PBX3: variants seen among roughly 807,000 people sequenced by gnomAD.
PBX3 encodes PBX homeobox 3.
In PBX3, 14 loss-of-function variants were observed where a neutral mutation model predicts 48.5. The observed-to-expected ratio is 0.29, with a 90% CI of 0.19 to 0.45. The LOEUF is 0.45. PBX3 is among the 20% of genes least tolerant of loss of function. The pLI is 1.00. For synonymous variants in PBX3, 210 were observed against 200.3 expected, an observed-to-expected ratio of 1.05 and a Z score of -0.41; for missense variants, 386 against 546.7, an observed-to-expected ratio of 0.71 and a Z score of 2.93.
At chr9:125,928,614 C>T (rs1841641661) in intron 3 of PBX3, among the ~76,000 whole-genome samples, 2 of 151,894 alleles carry the variant, frequency 1.3e-5, no homozygotes, top group African/African-American at 2.4e-5. Context: ...TACAGGCACC[C>T]GCCACCACGG....
At chr9:125,778,510 G>C (rs1485449292) in intron 2 of PBX3, among the ~76,000 whole-genome samples, 1 of 151,676 alleles carries the variant, frequency 6.6e-6, no homozygotes, top group Non-Finnish European at 1.5e-5. Context: ...ACCCACCTCA[G>C]CCTCCCAAAA....
intron 2 of PBX3, among the ~76,000 whole-genome samples, chr9:125,830,128 A>G (rs1214814846): frequency 1.3e-5 from 2 of 152,200 alleles, no homozygotes; most frequent in Non-Finnish European, 2.9e-5. Context: ...ATAATTTTTT[A>G]TTTACAAAAG....
chr9:125,916,765 TAGTTTAATGCTG>T (rs1841344298), intron 3 of PBX3, among the ~76,000 whole-genome samples: 1 of 152,240 alleles, frequency 6.6e-6, no homozygotes, highest in African/African-American at 2.4e-5. Context: ...TTTTAGTTGT[TAGTTTAATGCTG>T]AAAAGCTGCC....
chr9:125,752,944 T>C (rs1444455853), intron 2 of PBX3, among the ~76,000 whole-genome samples: 1 of 152,196 alleles, frequency 6.6e-6, no homozygotes, highest in Non-Finnish European at 1.5e-5. Flanking sequence ...AATGAACTTA[T>C]TTTCAAGATT....
intron 3 of PBX3, among the ~76,000 whole-genome samples, chr9:125,926,670 A>G (rs2132502573): frequency 6.6e-6 from 1 of 151,824 alleles, no homozygotes; most frequent in African/African-American, 2.4e-5. Context: ...TACAAAAAAA[A>G]TTACCCGGGC....
chr9:125,806,878 GAC>G (rs1564665372), intron 2 of PBX3, among the ~76,000 whole-genome samples: 2 of 152,220 alleles, frequency 1.3e-5, no homozygotes, highest in African/African-American at 4.8e-5. Context: ...CCAAATCTAA[GAC>G]CACCCATGGA....
chr9:125,748,362 G>T, intron 1 of PBX3, 188 bp from the exon 2 acceptor site: 1 of 1,319,596 alleles, frequency 7.6e-7, no homozygotes, highest in African/African-American at 1.5e-5. Context: ...TCCGGCTGCA[G>T]CTTTCGCCGC....
chr9:125,878,179 C>T (rs932868488), intron 2 of PBX3, among the ~76,000 whole-genome samples: 5 of 152,178 alleles, frequency 3.3e-5, no homozygotes, highest in African/African-American at 9.7e-5. Context: ...CATTAGTTAA[C>T]GCAGCTCAAG....
At chr9:125,765,523 A>T (rs995526160) in intron 2 of PBX3, among the ~76,000 whole-genome samples, 1 of 152,180 alleles carries the variant, frequency 6.6e-6, no homozygotes, top group Non-Finnish European at 1.5e-5. Flanking sequence ...TGGCCACTTG[A>T]GACCCCACAT....
chr9:125,884,528 A>C (rs1840454405), intron 2 of PBX3, among the ~76,000 whole-genome samples: 1 of 152,210 alleles, frequency 6.6e-6, no homozygotes, highest in African/African-American at 2.4e-5. Flanking sequence ...GAACAACAAA[A>C]CCTATACTCT....
intron 2 of PBX3, among the ~76,000 whole-genome samples, chr9:125,802,046 A>G (rs12552782): frequency 0.58 from 87,816 of 151,956 alleles, 26,425 homozygotes; most frequent in East Asian, 0.76. Context: ...TAGGTAACAA[A>G]AATGAAATCC....
intron 2 of PBX3, among the ~76,000 whole-genome samples, chr9:125,786,486 A>T (rs893107668): frequency 6.6e-6 from 1 of 152,196 alleles, no homozygotes; most frequent in East Asian, 1.9e-4. Context: ...AGGAGGTGAT[A>T]TAAGGTGAAA....
At chr9:125,763,605 G>T (rs757263959) in intron 2 of PBX3, among the ~76,000 whole-genome samples, 2 of 152,226 alleles carry the variant, frequency 1.3e-5, no homozygotes, top group African/African-American at 2.4e-5. Context: ...TCTCTGCTCA[G>T]TGTAGGGAAA....
At position 125,842,116 on chromosome 9, in the gene PBX3, C is replaced by T. The variant is rs1039609647; in HGVS notation, c.275-73570C>T. Among the ~76,000 whole-genome samples the T allele has an allele frequency of 7.9e-5, 12 of 152,028 alleles. No homozygotes were observed. In the South Asian group the frequency reaches 1.0e-3, roughly 13 times the overall value. ...AAGTGTCAATTTGTCTTCTGCCTTC[C>T]GATGATGAAGTAACTGACCTCCTTA... On this transcript the variant is annotated intron_variant, in intron 2 of 8. Coordinates refer to ENST00000373489, the MANE Select transcript of PBX3 (RefSeq NM_006195.6).
At position 125,966,129 on chromosome 9, in the gene PBX3, G is replaced by T; in HGVS notation, c.*206G>T. ...AACACACAATGTTAAAAAAAATAAAGCACTTTATCCAATTAGGCCAAGATT... is the reference window on the plus strand; with the variant it reads ...AACACACAATGTTAAAAAAAATAAATCACTTTATCCAATTAGGCCAAGATT... On this transcript the variant is annotated 3_prime_UTR_variant, in exon 9 of 9. Transcript: ENST00000373489. 3 of 429,808 alleles carry T rather than the reference G, an allele frequency of 7.0e-6. No individual in the cohort carries two copies. Among genetic ancestry groups the T allele is most frequent in the South Asian group, 4.8e-5 (1 of 20,934 alleles). 26.6% of individuals were successfully genotyped at this position (429,808 alleles called of 1,614,324 possible).
chr9:125,769,452 A>G (rs1482049619), intron 2 of PBX3, among the ~76,000 whole-genome samples: 1 of 152,222 alleles, frequency 6.6e-6, no homozygotes, highest in East Asian at 1.9e-4. Flanking sequence ...ATTTGCTCTG[A>G]GAGCATTATT....
chr9:125,784,373 T>G (rs1837405651), intron 2 of PBX3, among the ~76,000 whole-genome samples: 1 of 152,120 alleles, frequency 6.6e-6, no homozygotes, highest in Admixed American at 6.6e-5. Flanking sequence ...AGGTGATCCG[T>G]CTGCCTCAGC....
intron 3 of PBX3, among the ~76,000 whole-genome samples, chr9:125,917,618 T>A (rs544602255): frequency 6.6e-6 from 1 of 152,310 alleles, no homozygotes; most frequent in East Asian, 1.9e-4. Flanking sequence ...CTACATTCCC[T>A]GTATAGTTTC....
At chr9:125,788,108 A>G (rs1405907107) in intron 2 of PBX3, among the ~76,000 whole-genome samples, 2 of 152,256 alleles carry the variant, frequency 1.3e-5, no homozygotes, top group Non-Finnish European at 2.9e-5. Flanking sequence ...AATAACCAAC[A>G]GTGGATGCTA....
Sources: allele counts gnomAD v4.1 joint callset (sites outside exome capture counted in the v4.1 genomes callset), GRCh38; gene constraint gnomAD v4.1.1; transcripts MANE v1.5; gene names NCBI Gene and HGNC (gene_info 2026-07-23, HGNC 2026-07-21).